The following YKT6 variants were observed in gnomAD, a reference collection of about 807,000 sequenced individuals.
The protein encoded by YKT6 is YKT6 vesicular SNARE protein, also known as synaptobrevin homolog YKT6.
A neutral mutation model predicts 29.3 loss-of-function variants in YKT6; 12 were observed. That is an observed-to-expected ratio of 0.41 (90% CI 0.26 to 0.66). YKT6 has a LOEUF of 0.66. YKT6 is among the 30% of genes least tolerant of loss of function. The pLI is 0.32. For missense variants in YKT6, 188 were observed against 243.8 expected (o/e 0.77, Z 1.52); for synonymous variants, 86 against 94.3 (o/e 0.91, Z 0.51).
chr7:44,201,084 C>A lies in YKT6; in HGVS notation c.-52C>A. The A allele has an allele frequency of 6.7e-7, 1 of 1,501,406 alleles. No homozygotes were observed. The highest frequency in any genetic ancestry group is 8.9e-7 in the Non-Finnish European group (1 of 1,118,572). The allele number at this position is 1,501,406 out of a possible 1,614,324, so 93.0% of individuals were successfully genotyped here. A position where few individuals can be genotyped will look rare whatever the true frequency, so the allele number is the denominator to read the frequency against. On this transcript the variant is annotated 5_prime_UTR_variant, in exon 1 of 7. The change creates a new upstream start codon in the 5' untranslated region. Coordinates refer to ENST00000223369, the MANE Select transcript of YKT6 (RefSeq NM_006555.4). Reference sequence around the variant, plus strand: ...CGAGGGGCGGCGGCCGCGCTGCTCCCTGAGAACGGGTCCCGCAGCTGGGCA... The same window carrying A: ...CGAGGGGCGGCGGCCGCGCTGCTCCATGAGAACGGGTCCCGCAGCTGGGCA...
In YKT6 at chr7:44,201,150, C is replaced by A. The variant is rs757356224; in HGVS notation, c.15C>A (p.Ser5Arg). Residue 5 changes from serine (S) to arginine (R), a missense_variant, in exon 1 of 7, where the codon AGC becomes AGA. Physicochemically the swap from Ser to Arg is moderately radical, Grantham distance 110 (BLOSUM62 -1). This residue lies in a region of YKT6 where 71 missense variants were observed against 67.3 expected (regional missense o/e 1.05). Coordinates refer to ENST00000223369, the MANE Select transcript of YKT6 (RefSeq NM_006555.4). MKLY[S>R]LSVLYKGEAK... ...GGCGCGGAGCCATGAAGCTGTACAG[C>A]CTCAGCGTCCTCTACAAAGGCGAGG... 1.2e-6 allele frequency: 2 copies of A among 1,607,840 alleles called. No individual in the cohort carries two copies. The highest frequency in any genetic ancestry group is 1.7e-5 in the Admixed American group (1 of 59,294).
At chr7:44,202,021 C>T (rs1467644617) in intron 1 of YKT6, among the ~76,000 whole-genome samples, 1 of 152,140 alleles carries the variant, frequency 6.6e-6, no homozygotes, top group African/African-American at 2.4e-5. Flanking sequence ...TTAGAAGTAA[C>T]ACAGACACTT....
chr7:44,203,542 C>T (rs73315997), intron 1 of YKT6, among the ~76,000 whole-genome samples: 1,734 of 152,226 alleles, frequency 0.011, 29 homozygotes, highest in African/African-American at 0.04. Flanking sequence ...TCTTTATAGC[C>T]GTGTCTCAAA....
chr7:44,205,889 T>G (rs2096340327), intron 2 of YKT6, among the ~76,000 whole-genome samples: 3 of 152,194 alleles, frequency 2.0e-5, no homozygotes. Context: ...CCCAGCAGGT[T>G]GCTATAATAT....
chr7:44,206,228 G>A (rs1328605352), intron 2 of YKT6, among the ~76,000 whole-genome samples, 157 bp from the exon 3 acceptor site: 1 of 152,214 alleles, frequency 6.6e-6, no homozygotes, highest in Non-Finnish European at 1.5e-5. Flanking sequence ...GGCCCATTGG[G>A]CTGTGCTGCT....
Position 44,201,003 on chromosome 7 carries a change from C to G in YKT6, c.-133C>G. On this transcript the variant is annotated 5_prime_UTR_variant, in exon 1 of 7. Coordinates refer to ENST00000223369, the MANE Select transcript of YKT6 (RefSeq NM_006555.4). ...GGATTGCGAGCCAGGAGGAGGAAGC[C>G]GGCGGTGGCCCCGTCAGCAGCCGGC... is the stretch of plus-strand genomic sequence containing the variant. 1 of 647,346 alleles carries G rather than the reference C, an allele frequency of 1.5e-6. No homozygotes were observed. Among genetic ancestry groups the G allele is most frequent in the East Asian group, 3.4e-5 (1 of 29,708 alleles). 40.1% of individuals were successfully genotyped at this position (647,346 alleles called of 1,614,324 possible). A position where few individuals can be genotyped will look rare whatever the true frequency, so the allele number is the denominator to read the frequency against.
At chr7:44,210,832 A>T (rs1382772527) in intron 5 of YKT6, 191 bp from the exon 6 acceptor site, 2 of 652,308 alleles carry the variant, frequency 3.1e-6, no homozygotes, top group Non-Finnish European at 5.6e-6. Flanking sequence ...TTTCACGGGA[A>T]TGTCACCAGG....
At chr7:44,207,935 GCTGGT>G (rs2096342676) in intron 4 of YKT6, among the ~76,000 whole-genome samples, 193 bp from the exon 5 acceptor site, 1 of 152,076 alleles carries the variant, frequency 6.6e-6, no homozygotes, top group African/African-American at 2.4e-5. Context: ...TGTTGGTCAG[GCTGGT>G]CTCGAACTCT....
intron 6 of YKT6, 130 bp from the exon 7 acceptor site, chr7:44,212,117 C>G: frequency 1.8e-6 from 2 of 1,097,470 alleles, no homozygotes; most frequent in East Asian, 2.4e-5. Flanking sequence ...CCTCCACCCC[C>G]ACCCTGTTCT....
rs181872409 is a variant in YKT6 at position 44,212,420 on chromosome 7, G to A, written c.*138G>A. 1.2e-4 allele frequency: 129 copies of A among 1,085,526 alleles called. 2 individuals are homozygous for A. In the Middle Eastern group the frequency reaches 1.2e-3, roughly 10 times the overall value. 67.2% of individuals were successfully genotyped at this position (1,085,526 alleles called of 1,614,324 possible). A position where few individuals can be genotyped will look rare whatever the true frequency, so the allele number is the denominator to read the frequency against. On this transcript the variant is annotated 3_prime_UTR_variant, in exon 7 of 7. Coordinates refer to ENST00000223369, the MANE Select transcript of YKT6 (RefSeq NM_006555.4). ...GCCATTTTTATTTTGAAGTTCCTGC[G>A]AGAAATGGATGGTGGAAGGGTGGCG... is the stretch of plus-strand genomic sequence containing the variant.
chr7:44,206,945 T>G (rs774065329), intron 3 of YKT6, among the ~76,000 whole-genome samples: 2 of 152,202 alleles, frequency 1.3e-5, no homozygotes, highest in Non-Finnish European at 2.9e-5. Flanking sequence ...ATTAACTCTT[T>G]GAAGTCAGAG....
chr7:44,211,850 G>A (rs1054726190), intron 6 of YKT6, among the ~76,000 whole-genome samples: 1 of 152,238 alleles, frequency 6.6e-6, no homozygotes, highest in Non-Finnish European at 1.5e-5. Context: ...CATCTTCTAG[G>A]AAGAAACACC....
chr7:44,209,813 C>T (rs2096344733), intron 5 of YKT6, among the ~76,000 whole-genome samples: 1 of 152,208 alleles, frequency 6.6e-6, no homozygotes, highest in South Asian at 2.1e-4. Flanking sequence ...CTCTAGACCC[C>T]TTCCCATGGG....
chr7:44,202,114 G>A (rs1375581106), intron 1 of YKT6, among the ~76,000 whole-genome samples: 2 of 152,034 alleles, frequency 1.3e-5, no homozygotes, highest in Non-Finnish European at 2.9e-5. Flanking sequence ...TGGTCATCTT[G>A]TCTCAAAATC....
At chr7:44,207,271 G>A in intron 3 of YKT6, 117 bp from the exon 4 acceptor site, 1 of 732,494 alleles carries the variant, frequency 1.4e-6, no homozygotes, top group Non-Finnish European at 2.3e-6. Context: ...CCTCCTTCCT[G>A]GGCTGTGAAG....
chr7:44,207,282 G>C lies in YKT6; in HGVS notation c.289-106G>C, dbSNP rs754386963. On this transcript the variant is annotated intron_variant, in intron 3 of 6. Transcript: ENST00000223369. ...CATTCCTCCTTCCTGGGCTGTGAAG[G>C]CCAAGGAGCCTCATTCAGGGTGAGG... 3.5e-6 allele frequency: 3 copies of C among 856,270 alleles called. No homozygotes were observed. The African/African-American group carries it at 5.1e-5, about 14-fold the overall frequency. The allele number at this position is 856,270 out of a possible 1,614,324, so 53.0% of individuals were successfully genotyped here.
In YKT6 at chr7:44,212,454, A is replaced by C; in HGVS notation, c.*172A>C. On this transcript the variant is annotated 3_prime_UTR_variant, in exon 7 of 7. Coordinates refer to ENST00000223369, the MANE Select transcript of YKT6 (RefSeq NM_006555.4). ...ATGGTGGAAGGGTGGCGAATGTTCA[A>C]ATTCATATGTGTGGTAGTGATTCTT... is the stretch of plus-strand genomic sequence containing the variant. 3.8e-6 allele frequency: 3 copies of C among 791,100 alleles called. No homozygotes were observed. Among genetic ancestry groups the C allele is most frequent in the Non-Finnish European group, 6.0e-6 (3 of 498,312 alleles). 49.0% of individuals were successfully genotyped at this position (791,100 alleles called of 1,614,324 possible).
At chr7:44,202,005 A>G (rs1401586006) in intron 1 of YKT6, among the ~76,000 whole-genome samples, 2 of 152,196 alleles carry the variant, frequency 1.3e-5, no homozygotes, top group African/African-American at 4.8e-5. Flanking sequence ...TAATTGCTGG[A>G]ACGTGTTAGA....
chr7:44,204,777 C>A lies in YKT6; in HGVS notation c.187+127C>A, dbSNP rs551789844. 1.0e-5 allele frequency: 8 copies of A among 799,550 alleles called. No homozygotes were observed. In the East Asian group the frequency reaches 1.9e-4, roughly 19 times the overall value. The allele number at this position is 799,550 out of a possible 1,614,324, so 49.5% of individuals were successfully genotyped here. A position where few individuals can be genotyped will look rare whatever the true frequency, so the allele number is the denominator to read the frequency against. On this transcript the variant is annotated intron_variant, in intron 2 of 6. Transcript: ENST00000223369. ...CTCTAGCTTGTTCTCTCTTTCCCAC[C>A]TCTTCCTTTTCCTATTTATGCAGAA...
Sources: allele counts gnomAD v4.1 joint callset (sites outside exome capture counted in the v4.1 genomes callset), GRCh38; gene constraint gnomAD v4.1.1; regional missense constraint gnomAD v4.1.1; transcripts MANE v1.5; gene names NCBI Gene and HGNC (gene_info 2026-07-23, HGNC 2026-07-21).